The following NUP155 variants were observed in gnomAD, a reference collection of about 807,000 sequenced individuals.
NUP155 encodes nuclear pore complex protein Nup155.
NUP155 carries 71 observed loss-of-function variants against 180.4 expected under a neutral mutation model. That is an observed-to-expected ratio of 0.39 (90% CI 0.33 to 0.48). The LOEUF (loss-of-function observed/expected upper bound fraction) is 0.48, where lower values mean the gene tolerates loss of function less well. Ranked by LOEUF, NUP155 falls within the 20% of genes least tolerant of loss-of-function variation. The pLI is 0.91. For synonymous variants in NUP155, 582 were observed against 559.5 expected, an observed-to-expected ratio of 1.04 and a Z score of -0.57; for missense variants, 1,553 against 1,648.9, an observed-to-expected ratio of 0.94 and a Z score of 1.01.
At chr5:37,333,338 A>G in intron 13 of NUP155, 125 bp downstream of exon 13, 1 of 857,426 alleles carries the variant, frequency 1.2e-6, no homozygotes, top group South Asian at 1.4e-5. Flanking sequence ...CTGGGTGATG[A>G]GCGAGACTCC....
rs746482040 is a variant in NUP155 at position 37,342,538 on chromosome 5, A to T, written c.1093+11T>A. ...AACAGTAATAGCAGATATGTAAATA[A>T]AACAACATACCTGCATGTGTGACAG... On this transcript the variant is annotated intron_variant, in intron 10 of 34. Coordinates refer to ENST00000231498, the MANE Select transcript of NUP155 (RefSeq NM_153485.3). The T allele has an allele frequency of 1.9e-6, 3 of 1,556,402 alleles. No homozygotes were observed. The highest frequency in any genetic ancestry group is 2.7e-6 in the Non-Finnish European group (3 of 1,127,772).
At chr5:37,366,023 C>T (rs906289824) in intron 1 of NUP155, among the ~76,000 whole-genome samples, 2 of 151,736 alleles carry the variant, frequency 1.3e-5, no homozygotes, top group Non-Finnish European at 2.9e-5. Context: ...AGATTTATCC[C>T]CAAGACCACT....
chr5:37,313,571 G>T (rs941214941), intron 22 of NUP155, among the ~76,000 whole-genome samples: 1 of 151,834 alleles, frequency 6.6e-6, no homozygotes, highest in Non-Finnish European at 1.5e-5. Context: ...CACCATCATG[G>T]CTAAGTGGCG....
At chr5:37,358,584 A>C (rs1746995272) in intron 3 of NUP155, among the ~76,000 whole-genome samples, 1 of 152,146 alleles carries the variant, frequency 6.6e-6, no homozygotes, top group Admixed American at 6.6e-5. Context: ...CAGTGGCACA[A>C]TCTTGGCTCA....
intron 5 of NUP155, 117 bp downstream of exon 5, chr5:37,352,620 T>C: frequency 1.4e-6 from 1 of 714,728 alleles, no homozygotes; most frequent in South Asian, 1.5e-5. Flanking sequence ...TTGGCAGTAA[T>C]AATCATTAAT....
chr5:37,288,713 C>A lies in NUP155; in HGVS notation c.*3187G>T, dbSNP rs1249812735. 8.3e-6 allele frequency: 1 copy of A among 121,096 alleles called. No individual in the cohort carries two copies. Among genetic ancestry groups the A allele is most frequent in the Admixed American group, 1.1e-4 (1 of 9,254 alleles). 7.5% of individuals were successfully genotyped at this position (121,096 alleles called of 1,614,324 possible). ...CCAGGAGTTTTGAGAGCAGTCTGGGCAACAGAGTGAGATCTTTTGGCTACA... is the reference window on the plus strand; with the variant it reads ...CCAGGAGTTTTGAGAGCAGTCTGGGAAACAGAGTGAGATCTTTTGGCTACA... On this transcript the variant is annotated 3_prime_UTR_variant, in exon 35 of 35. Transcript: ENST00000231498.
In NUP155 at chr5:37,299,878, A is replaced by T. The variant is rs576902865; in HGVS notation, c.3562-310T>A. ...TGAAACCCCGTCTCTACTAAAATTT[A>T]AAAAAAAAAAAAATTAGCTGGGCAT... On this transcript the variant is annotated intron_variant, in intron 30 of 34. Coordinates refer to ENST00000231498, the MANE Select transcript of NUP155 (RefSeq NM_153485.3). Among the ~76,000 whole-genome samples, 258 of 72,992 alleles carry T rather than the reference A, an allele frequency of 3.5e-3. 1 individual carries two copies. The African/African-American group carries it at 0.081, about 23-fold the overall frequency. The allele number at this position is 72,992 out of a possible 152,430, so 47.9% of individuals were successfully genotyped here.
chr5:37,318,563 C>A (rs550531227), intron 20 of NUP155, among the ~76,000 whole-genome samples: 5 of 151,960 alleles, frequency 3.3e-5, no homozygotes, highest in Middle Eastern at 6.8e-3. Flanking sequence ...GAAATGCGCA[C>A]TGGAGCAATT....
chr5:37,325,073 C>T (rs1200769503), intron 19 of NUP155, among the ~76,000 whole-genome samples: 1 of 152,128 alleles, frequency 6.6e-6, no homozygotes, highest in Admixed American at 6.5e-5. Flanking sequence ...ATCGCTTGAA[C>T]CCAGGAGGCA....
intron 1 of NUP155, among the ~76,000 whole-genome samples, chr5:37,366,073 T>C (rs1368204951): frequency 2.6e-5 from 4 of 151,888 alleles, no homozygotes; most frequent in Admixed American, 6.6e-5. Flanking sequence ...AGTATCTTAT[T>C]GGGGGGATAA....
intron 1 of NUP155, among the ~76,000 whole-genome samples, chr5:37,367,470 C>T (rs1252866545): frequency 6.6e-6 from 1 of 151,914 alleles, no homozygotes; most frequent in Non-Finnish European, 1.5e-5. Flanking sequence ...TCACCTTTGC[C>T]TCCCAAATTG....
chr5:37,304,933 T>C, intron 26 of NUP155, 90 bp from the exon 27 acceptor site: 1 of 1,508,524 alleles, frequency 6.6e-7, no homozygotes, highest in Non-Finnish European at 9.2e-7. Context: ...CAGTAAGAAA[T>C]CAAGAATCCT....
rs778846803 is a variant in NUP155, at chr5:37,357,979, C to A, written c.463+102G>T. 6 of 813,774 alleles carry A rather than the reference C, an allele frequency of 7.4e-6. No individual in the cohort carries two copies. In the Middle Eastern group the frequency reaches 1.1e-3, roughly 143 times the overall value. The allele number at this position is 813,774 out of a possible 1,614,324, so 50.4% of individuals were successfully genotyped here. A position where few individuals can be genotyped will look rare whatever the true frequency, so the allele number is the denominator to read the frequency against. On this transcript the variant is annotated intron_variant, in intron 4 of 34. Coordinates refer to ENST00000231498, the MANE Select transcript of NUP155 (RefSeq NM_153485.3). ...CTGCACTCCAGCCTACTCGATGGAA[C>A]GAGACTCCATCTCGAAAAAAATGTG...
chr5:37,369,975 C>T (rs748102547), intron 1 of NUP155, among the ~76,000 whole-genome samples: 8 of 152,204 alleles, frequency 5.3e-5, no homozygotes, highest in Non-Finnish European at 1.0e-4. Flanking sequence ...CCTTACTCTC[C>T]CTGTACATAA....
chr5:37,294,230 T>C (rs1476936564), intron 33 of NUP155, 99 bp downstream of exon 33: 11 of 815,280 alleles, frequency 1.3e-5, no homozygotes, highest in Non-Finnish European at 1.4e-5. Flanking sequence ...TTAGACTAAG[T>C]GATAGGATAC....
At chr5:37,339,759 T>TTTTTTG (rs1554129942) in intron 11 of NUP155, among the ~76,000 whole-genome samples, 2 of 152,132 alleles carry the variant, frequency 1.3e-5, no homozygotes, top group East Asian at 1.9e-4. Context: ...TTTTTGTGTG[T>TTTTTTG]TTTTTGTTTT....
Position 37,291,763 on chromosome 5 carries a change from T to TAG in NUP155, c.*135_*136dup. On this transcript the variant is annotated 3_prime_UTR_variant, in exon 35 of 35. Coordinates refer to ENST00000231498, the MANE Select transcript of NUP155 (RefSeq NM_153485.3). The stretch of plus-strand genomic sequence containing the variant: ...ATTCATTTAGCAAAGGTACTATTTG[T>TAG]AGATATTAGCCACTTATTAAAAACA... The TAG allele has an allele frequency of 1.4e-6, 1 of 735,290 alleles. No individual in the cohort carries two copies. The allele number at this position is 735,290 out of a possible 1,614,324, so 45.5% of individuals were successfully genotyped here. A position where few individuals can be genotyped will look rare whatever the true frequency, so the allele number is the denominator to read the frequency against.
rs1404415308 is a variant in NUP155, at chr5:37,351,167, AC to A, written c.723+22del. 2.5e-6 allele frequency: 4 copies of A among 1,606,848 alleles called. No homozygotes were observed. The Admixed American group carries it at 5.0e-5, about 20-fold the overall frequency. ...CTACTCCATCAAGAGAGAAAAAAAA[AC>A]GTTTACAAATGTCAGACTTACCTGG... On this transcript the variant is annotated intron_variant, in intron 6 of 34. Coordinates refer to ENST00000231498, the MANE Select transcript of NUP155 (RefSeq NM_153485.3).
chr5:37,342,527 A>G (rs1324652558), intron 10 of NUP155, 22 bp downstream of exon 10: 1 of 1,396,674 alleles, frequency 7.2e-7, no homozygotes, highest in African/African-American at 1.4e-5. Flanking sequence ...GTAATAGCAG[A>G]TATGTAAATA....
Sources: gnomAD v4.1 joint callset for allele counts (sites outside exome capture counted in the v4.1 genomes callset) on GRCh38, gnomAD v4.1.1 for gene constraint, MANE v1.5 for transcripts, NCBI Gene and HGNC (gene_info 2026-07-23, HGNC 2026-07-21) for gene names.